MACROD2: variants seen among roughly 807,000 people sequenced by gnomAD.
MACROD2 encodes the protein mono-ADP ribosylhydrolase 2.
Under a neutral mutation model 70.4 loss-of-function variants are expected in MACROD2, and 36 were observed. The ratio of observed to expected loss-of-function variants is 0.51; its 90% CI spans 0.39 to 0.68. MACROD2 has a LOEUF of 0.68. Among genes scored for constraint, MACROD2 ranks in the 30% least tolerant of loss-of-function variants. The probability of loss-of-function intolerance (pLI) is 0.00; values close to 1 mark genes in which losing one functional copy is unlikely to be tolerated. For synonymous variants in MACROD2, 172 were observed against 178.8 expected (o/e 0.96, Z 0.30); for missense variants, 496 against 538.4 (o/e 0.92, Z 0.78).
intron 5 of MACROD2, among the ~76,000 whole-genome samples, chr20:14,702,093 T>C (rs2071202925): frequency 1.3e-5 from 2 of 152,144 alleles, no homozygotes; most frequent in Non-Finnish European, 2.9e-5. Flanking sequence ...CTTATTGATA[T>C]GTTTCTTTTG....
rs183729110 is a variant in MACROD2, at chr20:15,213,268, C to T, written c.419-16672C>T. On this transcript the variant is annotated intron_variant, in intron 5 of 17. Transcript: ENST00000684519. ...AGGGAGGTTCAAGGAGAGCAACCCA[C>T]GTCCTTACTTGTCTTCAATTTGTTA... is the stretch of plus-strand genomic sequence containing the variant. Among the ~76,000 whole-genome samples, 6 of 152,242 alleles carry T rather than the reference C, an allele frequency of 3.9e-5. No homozygotes were observed. The East Asian group carries it at 9.7e-4, about 25-fold the overall frequency.
chr20:15,090,541 T>C (rs1247552304), intron 5 of MACROD2, among the ~76,000 whole-genome samples: 1 of 151,984 alleles, frequency 6.6e-6, no homozygotes. Context: ...ACAAACACAT[T>C]TACCGAGAAC....
At chr20:14,436,631 A>G (rs1430166724) in intron 3 of MACROD2, among the ~76,000 whole-genome samples, 3 of 152,206 alleles carry the variant, frequency 2.0e-5, no homozygotes, top group Admixed American at 6.5e-5. Context: ...CTCTACACGT[A>G]TGTGACATGT....
At chr20:15,501,599 T>C (rs1279132436) in intron 8 of MACROD2, among the ~76,000 whole-genome samples, 1 of 152,222 alleles carries the variant, frequency 6.6e-6, no homozygotes, top group African/African-American at 2.4e-5. Flanking sequence ...TATCCTTTTA[T>C]TTTTCTGCTA....
At chr20:15,542,041 G>A (rs1290488562) in intron 8 of MACROD2, among the ~76,000 whole-genome samples, 14 of 152,164 alleles carry the variant, frequency 9.2e-5, no homozygotes, top group African/African-American at 2.7e-4. Context: ...GTGTGACTGC[G>A]ACCTGTACAA....
At chr20:14,291,924 C>A (rs1314388270) in intron 3 of MACROD2, among the ~76,000 whole-genome samples, 1 of 151,898 alleles carries the variant, frequency 6.6e-6, no homozygotes, top group African/African-American at 2.4e-5. Context: ...TAAAGGAGTG[C>A]TCTCAAGAGA....
intron 8 of MACROD2, among the ~76,000 whole-genome samples, chr20:15,792,444 A>T (rs1228719268): frequency 3.3e-5 from 5 of 152,158 alleles, no homozygotes; most frequent in Non-Finnish European, 5.9e-5. Flanking sequence ...GTCGAGACTA[A>T]TTTTCTTAAT....
Position 15,777,211 on chromosome 20 carries a change from G to A in MACROD2, c.646-85534G>A, listed in dbSNP as rs544260384. On this transcript the variant is annotated intron_variant, in intron 8 of 17. Coordinates refer to ENST00000684519, the MANE Select transcript of MACROD2 (RefSeq NM_001351661.2). ...TATGTTGTAATATACAAATATACAT[G>A]TATATCTGAATATGTATGCTGTATA... Among the ~76,000 whole-genome samples the A allele has an allele frequency of 4.6e-5, 7 of 152,150 alleles. No individual in the cohort carries two copies. The East Asian group carries it at 1.4e-3, about 29-fold the overall frequency.
chr20:14,879,302 G>A (rs983294627), intron 5 of MACROD2, among the ~76,000 whole-genome samples: 6 of 152,086 alleles, frequency 3.9e-5, no homozygotes, highest in African/African-American at 1.2e-4. Context: ...TATGTCATCT[G>A]TATACCTAAA....
At chr20:14,290,592 C>T (rs972080802) in intron 3 of MACROD2, among the ~76,000 whole-genome samples, 2 of 151,714 alleles carry the variant, frequency 1.3e-5, no homozygotes, top group Admixed American at 6.6e-5. Context: ...TCACCACAAC[C>T]TCTGCCTCCT....
intron 8 of MACROD2, among the ~76,000 whole-genome samples, chr20:15,816,277 G>C (rs1351407491): frequency 6.6e-6 from 1 of 152,094 alleles, no homozygotes; most frequent in African/African-American, 2.4e-5. Flanking sequence ...AATGTTTTCT[G>C]TAAGTGTTCT....
At chr20:15,111,155 T>TTTTG (rs142476863) in intron 5 of MACROD2, among the ~76,000 whole-genome samples, 1 of 146,580 alleles carries the variant, frequency 6.8e-6, no homozygotes, top group Non-Finnish European at 1.5e-5. Flanking sequence ...CCGTAGTGTT[T>TTTTG]TTTGTTTGTT....
Position 14,756,188 on chromosome 20 carries a change from A to G in MACROD2, c.418+71229A>G, listed in dbSNP as rs532877283. Among the ~76,000 whole-genome samples, 17 of 152,156 alleles carry G rather than the reference A, an allele frequency of 1.1e-4. 3 individuals are homozygous for G. The South Asian group carries it at 3.5e-3, about 32-fold the overall frequency. ...TTACTAAACTCCGTGGCTTCCATCA[A>G]TTCCTAAATTATGTCAAGCTTTTTT... On this transcript the variant is annotated intron_variant, in intron 5 of 17. Coordinates refer to ENST00000684519, the MANE Select transcript of MACROD2 (RefSeq NM_001351661.2).
intron 15 of MACROD2, among the ~76,000 whole-genome samples, chr20:16,003,676 G>A (rs2066746552): frequency 6.6e-6 from 1 of 151,950 alleles, no homozygotes; most frequent in African/African-American, 2.4e-5. Flanking sequence ...TCAAAATGTT[G>A]CTTTTTCTTT....
At chr20:14,154,552 A>ATTTTTT (rs869299523) in intron 3 of MACROD2, among the ~76,000 whole-genome samples, 7 of 106,652 alleles carry the variant, frequency 6.6e-5, no homozygotes, top group African/African-American at 1.5e-4. Context: ...CGCCCGGCTA[A>ATTTTTT]TTTTTTTTTT....
At chr20:15,058,107 G>A (rs1347633748) in intron 5 of MACROD2, among the ~76,000 whole-genome samples, 1 of 152,040 alleles carries the variant, frequency 6.6e-6, no homozygotes, top group Non-Finnish European at 1.5e-5. Context: ...CCGGCTGCTC[G>A]ACGTAGGGGA....
At chr20:14,109,346 G>A (rs1017602644) in intron 3 of MACROD2, among the ~76,000 whole-genome samples, 3 of 151,654 alleles carry the variant, frequency 2.0e-5, no homozygotes, top group African/African-American at 4.8e-5. Flanking sequence ...TGTTAAAGAA[G>A]TAGAAAACCA....
In MACROD2 at chr20:14,702,642, TATATATACAC is replaced by T. The variant is rs2071217277; in HGVS notation, c.418+17691_418+17700del. ...ATATATATACATATATATATGTATA[TATATATACAC>T]ATATATATGTGTATATATATATACA... is the stretch of plus-strand genomic sequence containing the variant. On this transcript the variant is annotated intron_variant, in intron 5 of 17. Transcript: ENST00000684519. Among the ~76,000 whole-genome samples, 16 of 75,810 alleles carry T rather than the reference TATATATACAC, an allele frequency of 2.1e-4. No individual in the cohort carries two copies. The East Asian group carries it at 9.1e-3, about 43-fold the overall frequency. 49.7% of individuals were successfully genotyped at this position (75,810 alleles called of 152,430 possible).
chr20:15,813,568 A>C (rs2063841967), intron 8 of MACROD2, among the ~76,000 whole-genome samples: 1 of 152,212 alleles, frequency 6.6e-6, no homozygotes, highest in African/African-American at 2.4e-5. Context: ...ACTTGAGCTC[A>C]TGAGTTCAAG....
Sources: gnomAD v4.1 joint callset for allele counts (sites outside exome capture counted in the v4.1 genomes callset) on GRCh38, gnomAD v4.1.1 for gene constraint, MANE v1.5 for transcripts, NCBI Gene and HGNC (gene_info 2026-07-23, HGNC 2026-07-21) for gene names.